RYR2: variants seen among roughly 807,000 people sequenced by gnomAD.
RYR2 encodes the protein ryanodine receptor 2.
In RYR2, 227 loss-of-function variants were observed where a neutral mutation model predicts 601.1. That is an observed-to-expected ratio of 0.38 (90% CI 0.34 to 0.42). The LOEUF (loss-of-function observed/expected upper bound fraction) is 0.42. Among genes scored for constraint, RYR2 ranks in the 10% least tolerant of loss-of-function variants. The pLI is 1.00. For missense variants in RYR2, 4,646 were observed against 6,156.5 expected (o/e 0.75, Z 8.21); for synonymous variants, 2,223 against 2,175.1 (o/e 1.02, Z -0.61).
At chr1:237,427,262 G>A (rs531185746) in intron 12 of RYR2, among the ~76,000 whole-genome samples, 28 of 151,910 alleles carry the variant, frequency 1.8e-4, no homozygotes, top group Non-Finnish European at 3.2e-4. Context: ...CAGAGCGAAT[G>A]GCTCTAAAAA....
chr1:237,492,893 GAGGGAGGGAGGGAAAGC>G, intron 18 of RYR2, 44 bp from the exon 19 acceptor site: 1 of 1,415,114 alleles, frequency 7.1e-7, no homozygotes, highest in Non-Finnish European at 9.4e-7. Flanking sequence ...GGAAGGGAGG[GAGGGAGGGAGGGAAAGC>G]AGGGAGGGAG....
chr1:237,700,898 C>G (rs180853059), intron 65 of RYR2, among the ~76,000 whole-genome samples: 10 of 152,314 alleles, frequency 6.6e-5, no homozygotes, highest in Non-Finnish European at 1.0e-4. Context: ...AAGTCTGTGT[C>G]TAAATAATTG....
At position 237,590,796 on chromosome 1, in the gene RYR2, C is replaced by T. The variant is rs770433289; in HGVS notation, c.3964C>T (p.Leu1322Phe). The T allele has an allele frequency of 1.9e-6, 3 of 1,613,774 alleles. No individual in the cohort carries two copies. The highest frequency in any genetic ancestry group is 3.3e-5 in the Admixed American group (2 of 59,996). ...CTTCTCCAAGACGGTGGCTGGAGGGCTCCCTGGGGCTGGCCTTTTTGGGCC... is the reference window on the plus strand; with the variant it reads ...CTTCTCCAAGACGGTGGCTGGAGGGTTCCCTGGGGCTGGCCTTTTTGGGCC... Reference protein sequence around the residue: ...EVFSKTVAGGLPGAGLFGPKN... With the variant: ...EVFSKTVAGGFPGAGLFGPKN... Residue 1322 changes from leucine to phenylalanine, a missense_variant, in exon 31 of 105, where the codon CTC (leucine) becomes TTC (phenylalanine). Leu to Phe is a conservative substitution (Grantham distance 22, BLOSUM62 0). This residue lies in a region of RYR2 where 1,807 missense variants were observed against 2,088.1 expected (regional missense o/e 0.87). Coordinates refer to ENST00000366574, the MANE Select transcript of RYR2 (RefSeq NM_001035.3).
At chr1:237,498,148 G>A (rs1167107314) in intron 20 of RYR2, among the ~76,000 whole-genome samples, 1 of 152,050 alleles carries the variant, frequency 6.6e-6, no homozygotes, top group Non-Finnish European at 1.5e-5. Context: ...TTACAAGTGT[G>A]AGCCACCGTA....
chr1:237,318,131 C>T lies in RYR2; in HGVS notation c.169-12747C>T, dbSNP rs145942304. Among the ~76,000 whole-genome samples the T allele has an allele frequency of 5.0e-3, 758 of 151,084 alleles. 2 individuals carry two copies. The highest frequency in any genetic ancestry group is 7.5e-3 in the Non-Finnish European group (507 of 67,950). On this transcript the variant is annotated intron_variant, in intron 2 of 104. Transcript: ENST00000366574. ...GTTATGCTCTTAATTCTTATGTACT[C>T]GGGGATTGCAATATGTGTTATTTTA... is the stretch of plus-strand genomic sequence containing the variant.
chr1:237,737,288 T>C (rs967268618), intron 79 of RYR2, among the ~76,000 whole-genome samples: 1 of 152,226 alleles, frequency 6.6e-6, no homozygotes, highest in Non-Finnish European at 1.5e-5. Flanking sequence ...TAAATAATCA[T>C]ATTCATTTTA....
At chr1:237,431,596 T>C (rs1160301968) in intron 12 of RYR2, among the ~76,000 whole-genome samples, 1 of 152,216 alleles carries the variant, frequency 6.6e-6, no homozygotes, top group African/African-American at 2.4e-5. Flanking sequence ...AATATTTAGC[T>C]TATTTTCAAT....
At chr1:237,308,033 A>G (rs1437928628) in intron 2 of RYR2, among the ~76,000 whole-genome samples, 1 of 152,118 alleles carries the variant, frequency 6.6e-6, no homozygotes, top group Non-Finnish European at 1.5e-5. Context: ...GAGGGCTAGG[A>G]AAATGAGGCC....
At chr1:237,196,984 TTTTGCTATTTATA>T (rs534082142) in intron 1 of RYR2, among the ~76,000 whole-genome samples, 24 of 152,226 alleles carry the variant, frequency 1.6e-4, no homozygotes, top group Non-Finnish European at 2.2e-4. Context: ...CTTATGCATC[TTTTGCTATTTATA>T]TTCTTAAGTG....
intron 22 of RYR2, among the ~76,000 whole-genome samples, chr1:237,505,055 A>T (rs918965110): frequency 6.6e-6 from 1 of 152,212 alleles, no homozygotes; most frequent in African/African-American, 2.4e-5. Flanking sequence ...GAAGATATTT[A>T]GCTGACTTTT....
At chr1:237,117,318 A>G (rs1051693245) in intron 1 of RYR2, among the ~76,000 whole-genome samples, 3 of 152,110 alleles carry the variant, frequency 2.0e-5, no homozygotes, top group East Asian at 3.9e-4. Flanking sequence ...GACCTTCTCC[A>G]TTACGCTAAG....
chr1:237,710,214 A>T (rs1358313063), intron 70 of RYR2, among the ~76,000 whole-genome samples: 1 of 152,212 alleles, frequency 6.6e-6, no homozygotes, highest in African/African-American at 2.4e-5. Flanking sequence ...CAGAATATAG[A>T]TAAAAGAGCA....
At chr1:237,071,523 C>G (rs529138134) in intron 1 of RYR2, among the ~76,000 whole-genome samples, 2 of 152,122 alleles carry the variant, frequency 1.3e-5, no homozygotes, top group Non-Finnish European at 2.9e-5. Context: ...CCTGCCCGGC[C>G]GAGTCCAGGG....
At chr1:237,579,597 G>A (rs901348606) in intron 29 of RYR2, among the ~76,000 whole-genome samples, 1 of 151,920 alleles carries the variant, frequency 6.6e-6, no homozygotes, top group African/African-American at 2.4e-5. Context: ...AAATTTCCAT[G>A]GGTCAAAAAA....
intron 1 of RYR2, among the ~76,000 whole-genome samples, chr1:237,127,114 T>G (rs1265100848): frequency 6.6e-6 from 1 of 151,562 alleles, no homozygotes; most frequent in Non-Finnish European, 1.5e-5. Flanking sequence ...AGGTCACAGA[T>G]CAACAGGATC....
chr1:237,135,676 C>T (rs1290259876), intron 1 of RYR2, among the ~76,000 whole-genome samples: 2 of 151,980 alleles, frequency 1.3e-5, no homozygotes, highest in Non-Finnish European at 2.9e-5. Flanking sequence ...GCGCCCGGCC[C>T]CCCTCGTTGG....
chr1:237,737,396 T>G lies in RYR2; in HGVS notation c.11091+3640T>G, dbSNP rs993753514. 1.5e-4 allele frequency among the ~76,000 whole-genome samples: 23 copies of G among 152,204 alleles called. 1 individual carries two copies. Among genetic ancestry groups the G allele is most frequent in the Non-Finnish European group, 3.4e-4 (23 of 68,030 alleles). On this transcript the variant is annotated intron_variant, in intron 79 of 104. Transcript: ENST00000366574. ...TTCATATGTGCCACCCAGAAGTTAA[T>G]CAAACACGGTATTCCAGTTACGACC...
At chr1:237,363,809 A>G (rs1232549162) in intron 4 of RYR2, among the ~76,000 whole-genome samples, 2 of 152,132 alleles carry the variant, frequency 1.3e-5, no homozygotes, top group East Asian at 1.9e-4. Context: ...TGTTTTTGTG[A>G]TTTTTCTGTG....
At chr1:237,509,626 A>C (rs1158827811) in intron 23 of RYR2, among the ~76,000 whole-genome samples, 1 of 152,174 alleles carries the variant, frequency 6.6e-6, no homozygotes, top group Middle Eastern at 3.2e-3. Flanking sequence ...TGTGTTTAGT[A>C]CTGGGGACCC....
Sources: allele counts gnomAD v4.1 joint callset (sites outside exome capture counted in the v4.1 genomes callset), GRCh38; gene constraint gnomAD v4.1.1; regional missense constraint gnomAD v4.1.1; transcripts MANE v1.5; gene names NCBI Gene and HGNC (gene_info 2026-07-23, HGNC 2026-07-21).